GRIN2A: variants seen among roughly 807,000 people sequenced by gnomAD.
GRIN2A encodes the protein glutamate receptor ionotropic, NMDA 2A.
In GRIN2A, 22 loss-of-function variants were observed where a neutral mutation model predicts 113.4. That is an observed-to-expected ratio of 0.19 (90% confidence interval 0.14 to 0.28). The LOEUF is 0.28. Ranked by LOEUF, GRIN2A falls within the 10% of genes least tolerant of loss-of-function variation. The pLI, the probability that GRIN2A is intolerant of heterozygous loss-of-function variation, is 1.00. For synonymous variants in GRIN2A, 827 were observed against 738.4 expected (o/e 1.12, Z -1.94); for missense variants, 1,502 against 1,887.0 (o/e 0.80, Z 3.78).
At chr16:9,888,311 T>A (rs2043626437) in intron 4 of GRIN2A, among the ~76,000 whole-genome samples, 1 of 152,242 alleles carries the variant, frequency 6.6e-6, no homozygotes, top group Admixed American at 6.5e-5. Flanking sequence ...ACAGTTTATT[T>A]ACTGCTTAAT....
intron 3 of GRIN2A, among the ~76,000 whole-genome samples, chr16:9,926,003 C>T (rs917660852): frequency 1.1e-4 from 17 of 152,164 alleles, no homozygotes; most frequent in African/African-American, 2.2e-4. Context: ...GGGTTCCATC[C>T]GGCTCCATCA....
chr16:10,010,565 G>T (rs1259529053), intron 2 of GRIN2A, among the ~76,000 whole-genome samples: 2 of 152,172 alleles, frequency 1.3e-5, no homozygotes, highest in Non-Finnish European at 2.9e-5. Flanking sequence ...TCATGTATAG[G>T]AACTGTTTAA....
chr16:9,786,013 G>A (rs1318978561), intron 11 of GRIN2A, among the ~76,000 whole-genome samples: 5 of 152,184 alleles, frequency 3.3e-5, no homozygotes, highest in Admixed American at 3.3e-4. Flanking sequence ...GTTGTCAATG[G>A]CACCCAGTTC....
At chr16:10,017,085 A>G (rs917294180) in intron 2 of GRIN2A, among the ~76,000 whole-genome samples, 7 of 152,210 alleles carry the variant, frequency 4.6e-5, no homozygotes, top group Admixed American at 4.6e-4. Context: ...TACTGGGGCA[A>G]ATGAGTTTGA....
chr16:9,848,619 T>A (rs1005650343), intron 5 of GRIN2A, among the ~76,000 whole-genome samples: 1 of 147,868 alleles, frequency 6.8e-6, no homozygotes. Flanking sequence ...TCTTTTATAT[T>A]TTTAATATAT....
At chr16:10,075,847 A>C (rs938004731) in intron 2 of GRIN2A, among the ~76,000 whole-genome samples, 9 of 152,184 alleles carry the variant, frequency 5.9e-5, no homozygotes, top group Admixed American at 5.9e-4. Flanking sequence ...ATTAAATATA[A>C]TTAATATGCT....
chr16:9,975,335 T>C (rs1357986815), intron 2 of GRIN2A, among the ~76,000 whole-genome samples: 2 of 152,188 alleles, frequency 1.3e-5, no homozygotes, highest in Non-Finnish European at 2.9e-5. Context: ...GTTTATTCCA[T>C]GGATCCTACT....
At chr16:9,856,879 T>C (rs971450395) in intron 4 of GRIN2A, among the ~76,000 whole-genome samples, 2 of 151,878 alleles carry the variant, frequency 1.3e-5, no homozygotes, top group African/African-American at 4.8e-5. Flanking sequence ...TAGAATTTTC[T>C]GCTGAACAAA....
chr16:10,053,047 C>CAAAAAAAAAAAAAAAAAAAAAA (rs34069709), intron 2 of GRIN2A, among the ~76,000 whole-genome samples: 1 of 130,500 alleles, frequency 7.7e-6, no homozygotes, highest in Non-Finnish European at 1.6e-5. Flanking sequence ...GACTCCATCT[C>CAAAAAAAAAAAAAAAAAAAAAA]AAAAAAAAAA....
chr16:9,853,969 C>T (rs117622463), intron 4 of GRIN2A, among the ~76,000 whole-genome samples: 96 of 152,200 alleles, frequency 6.3e-4, no homozygotes, highest in Non-Finnish European at 8.8e-4. Context: ...CAATAATCTA[C>T]AATAATCTAT....
At chr16:10,009,953 G>C (rs1039302339) in intron 2 of GRIN2A, among the ~76,000 whole-genome samples, 1 of 152,202 alleles carries the variant, frequency 6.6e-6, no homozygotes, top group Admixed American at 6.5e-5. Context: ...CTGGAACTGA[G>C]GTTCCTAAAG....
intron 2 of GRIN2A, among the ~76,000 whole-genome samples, chr16:9,962,001 A>C (rs145470911): frequency 0.023 from 3,520 of 152,338 alleles, 66 homozygotes; most frequent in Middle Eastern, 0.092. Context: ...GACAAAAAGA[A>C]GCAATGGGGA....
At chr16:10,129,051 CTTT>C (rs574193107) in intron 2 of GRIN2A, among the ~76,000 whole-genome samples, 1 of 148,800 alleles carries the variant, frequency 6.7e-6, no homozygotes, top group Non-Finnish European at 1.5e-5. Flanking sequence ...ATGTGCATCA[CTTT>C]TTTTTTTAAG....
intron 2 of GRIN2A, among the ~76,000 whole-genome samples, chr16:10,170,662 G>C (rs1352779117): frequency 1.3e-5 from 2 of 152,068 alleles, no homozygotes; most frequent in African/African-American, 2.4e-5. Flanking sequence ...GATTGCTTGA[G>C]TCCAGGAGTT....
intron 2 of GRIN2A, among the ~76,000 whole-genome samples, chr16:10,039,971 C>CATCCACACACCACACA (rs1567254182): frequency 2.0e-5 from 1 of 48,866 alleles, no homozygotes; most frequent in Non-Finnish European, 4.7e-5. Flanking sequence ...CAAAAACACA[C>CATCCACACACCACACA]AATACACCTC....
chr16:9,955,423 C>A (rs1261326705), intron 2 of GRIN2A, among the ~76,000 whole-genome samples: 3 of 152,096 alleles, frequency 2.0e-5, no homozygotes, highest in Non-Finnish European at 2.9e-5. Flanking sequence ...GTCTTCCATA[C>A]CCTCACGGAT....
chr16:9,805,824 A>G (rs1480121998), intron 10 of GRIN2A, among the ~76,000 whole-genome samples: 2 of 152,178 alleles, frequency 1.3e-5, no homozygotes, highest in Non-Finnish European at 2.9e-5. Context: ...CCCATCGGGG[A>G]AGGGCATTCA....
At chr16:9,932,522 T>C (rs1015080985) in intron 3 of GRIN2A, among the ~76,000 whole-genome samples, 26 of 151,864 alleles carry the variant, frequency 1.7e-4, no homozygotes, top group African/African-American at 5.6e-4. Flanking sequence ...ACTACAGGCG[T>C]GCACCACCAC....
intron 2 of GRIN2A, among the ~76,000 whole-genome samples, chr16:10,001,858 A>G (rs377470230): frequency 6.6e-6 from 1 of 152,248 alleles, no homozygotes; most frequent in African/African-American, 2.4e-5. Context: ...AATGTCCACC[A>G]CAACGGCCTT....
Sources: gnomAD v4.1 joint callset for allele counts (sites outside exome capture counted in the v4.1 genomes callset) on GRCh38, gnomAD v4.1.1 for gene constraint, MANE v1.5 for transcripts, NCBI Gene and HGNC (gene_info 2026-07-23, HGNC 2026-07-21) for gene names.